Variants in TRPS1 observed in about 807,000 individuals in gnomAD.
TRPS1 encodes transcriptional repressor GATA binding 1.
TRPS1 carries 6 observed loss-of-function variants against 101.2 expected under a neutral mutation model. That is an observed-to-expected ratio of 0.06 (90% CI 0.03 to 0.12). TRPS1 has a LOEUF of 0.12. Among genes scored for constraint, TRPS1 ranks in the 10% least tolerant of loss-of-function variants. The pLI is 1.00. For missense variants in TRPS1, 1,363 were observed against 1,567.0 expected (o/e 0.87, Z 2.20); for synonymous variants, 578 against 589.8 (o/e 0.98, Z 0.29).
intron 2 of TRPS1, 66 bp downstream of exon 2, chr8:115,623,535 G>A (rs774239518): frequency 8.1e-5 from 126 of 1,553,438 alleles, no homozygotes; most frequent in Non-Finnish European, 7.8e-5. Context: ...CAGATTGCAC[G>A]ATGTTTTACT....
At chr8:115,444,109 C>A (rs1450703529) in intron 5 of TRPS1, among the ~76,000 whole-genome samples, 1 of 152,216 alleles carries the variant, frequency 6.6e-6, no homozygotes, top group Non-Finnish European at 1.5e-5. Flanking sequence ...CCATCCTTAC[C>A]CCTTTGATCC....
At chr8:115,576,244 A>G (rs1407163648) in intron 5 of TRPS1, among the ~76,000 whole-genome samples, 1 of 151,920 alleles carries the variant, frequency 6.6e-6, no homozygotes, top group African/African-American at 2.4e-5. Context: ...ATTCTCAGCC[A>G]CTGGTTGGAA....
At chr8:115,531,897 G>A (rs1015451104) in intron 5 of TRPS1, among the ~76,000 whole-genome samples, 3 of 152,042 alleles carry the variant, frequency 2.0e-5, no homozygotes, top group Non-Finnish European at 4.4e-5. Context: ...CTGAAGAAAT[G>A]GAGAAGGTAC....
intron 1 of TRPS1, among the ~76,000 whole-genome samples, chr8:115,632,954 G>C (rs1818680579): frequency 6.6e-6 from 1 of 152,110 alleles, no homozygotes. Flanking sequence ...ACAGACTTAA[G>C]ATCTGTGCAC....
intron 5 of TRPS1, among the ~76,000 whole-genome samples, chr8:115,447,591 A>G (rs1813769442): frequency 6.6e-6 from 1 of 152,160 alleles, no homozygotes; most frequent in African/African-American, 2.4e-5. Context: ...TTCCTATTGA[A>G]TTAAATCAGC....
intron 1 of TRPS1, among the ~76,000 whole-genome samples, chr8:115,645,333 T>G (rs1341649288): frequency 1.3e-5 from 2 of 152,156 alleles, no homozygotes; most frequent in Non-Finnish European, 2.9e-5. Context: ...ATCACACAAC[T>G]TCTATTTATT....
At chr8:115,610,567 G>A (rs1424183756) in intron 3 of TRPS1, among the ~76,000 whole-genome samples, 1 of 152,078 alleles carries the variant, frequency 6.6e-6, no homozygotes, top group Admixed American at 6.6e-5. Flanking sequence ...CCCTTATTTG[G>A]ATTTATAATA....
intron 2 of TRPS1, among the ~76,000 whole-genome samples, chr8:115,622,112 G>T (rs1256081340): frequency 1.3e-5 from 2 of 151,970 alleles, no homozygotes; most frequent in Non-Finnish European, 2.9e-5. Flanking sequence ...GACTTCTGGA[G>T]GAAAGAAGGG....
At chr8:115,435,599 T>C (rs1434177283) in intron 5 of TRPS1, among the ~76,000 whole-genome samples, 2 of 152,152 alleles carry the variant, frequency 1.3e-5, no homozygotes, top group African/African-American at 4.8e-5. Context: ...TGATTCCCTG[T>C]AGTGTCACTT....
intron 5 of TRPS1, among the ~76,000 whole-genome samples, chr8:115,472,985 C>T (rs1814510534): frequency 6.6e-6 from 1 of 152,196 alleles, no homozygotes. Flanking sequence ...CAACAAGTCT[C>T]TAGGAAGTTC....
intron 5 of TRPS1, among the ~76,000 whole-genome samples, chr8:115,548,060 T>C (rs1305592781): frequency 1.4e-5 from 2 of 147,796 alleles, no homozygotes; most frequent in African/African-American, 5.0e-5. Flanking sequence ...TGAAACACCA[T>C]CTCTACATAA....
chr8:115,494,441 G>A (rs952697892), intron 5 of TRPS1, among the ~76,000 whole-genome samples: 2 of 152,186 alleles, frequency 1.3e-5, no homozygotes, highest in Non-Finnish European at 1.5e-5. Flanking sequence ...AAGTCGAGAG[G>A]AGGCAATGTA....
At chr8:115,625,724 T>C (rs1818490574) in intron 1 of TRPS1, among the ~76,000 whole-genome samples, 1 of 151,932 alleles carries the variant, frequency 6.6e-6, no homozygotes, top group South Asian at 2.1e-4. Flanking sequence ...AAATATAATT[T>C]CATAAACAAA....
rs1199926134 is a variant in TRPS1 at position 115,604,165 on chromosome 8, T to C, written c.1804A>G (p.Lys602Glu). Residue 602 changes from lysine to glutamate, a missense_variant, in exon 4 of 7, where the codon AAA (lysine) becomes GAA (glutamate). Transcript: ENST00000395715. This position sits in a 1 kb window ranked among gnomAD's most constrained non-coding sequence, Gnocchi z 4.1. ...AGTGCACAGTGGGAACAATTACTTT[T>C]TCTACAAGCAAACGGATAAGTAATT... ...GEITYPFACR[K>E]SNCSHCALLL... The C allele has an allele frequency of 6.2e-6, 10 of 1,614,108 alleles. No individual in the cohort carries two copies. The highest frequency in any genetic ancestry group is 8.5e-6 in the Non-Finnish European group (10 of 1,180,004).
At chr8:115,528,062 G>T (rs1418971136) in intron 5 of TRPS1, among the ~76,000 whole-genome samples, 1 of 152,050 alleles carries the variant, frequency 6.6e-6, no homozygotes, top group East Asian at 1.9e-4. Context: ...CCTTCTTGCT[G>T]ACATTCTTTC....
At chr8:115,501,583 G>C (rs1373234160) in intron 5 of TRPS1, among the ~76,000 whole-genome samples, 1 of 152,160 alleles carries the variant, frequency 6.6e-6, no homozygotes, top group Non-Finnish European at 1.5e-5. Flanking sequence ...AATATGTGAA[G>C]TTCAAAGTGC....
intron 5 of TRPS1, among the ~76,000 whole-genome samples, chr8:115,529,266 G>C (rs949707370): frequency 1.3e-5 from 2 of 152,036 alleles, no homozygotes; most frequent in African/African-American, 2.4e-5. Flanking sequence ...TGGAGGTCAG[G>C]TGAGCAAATA....
At chr8:115,469,609 C>T (rs1814413541) in intron 5 of TRPS1, among the ~76,000 whole-genome samples, 1 of 152,116 alleles carries the variant, frequency 6.6e-6, no homozygotes, top group African/African-American at 2.4e-5. Flanking sequence ...AGTGATTCTC[C>T]TGCCTCAGCC....
intron 5 of TRPS1, among the ~76,000 whole-genome samples, chr8:115,420,668 C>A (rs1199179249): frequency 6.6e-6 from 1 of 152,136 alleles, no homozygotes; most frequent in Non-Finnish European, 1.5e-5. Flanking sequence ...AAAGAAAATG[C>A]CTTTCATTAG....
Sources: gnomAD v4.1 joint callset for allele counts (sites outside exome capture counted in the v4.1 genomes callset) on GRCh38, gnomAD v4.1.1 for gene constraint, Gnocchi (gnomAD v3.1) non-coding constraint, MANE v1.5 for transcripts, NCBI Gene and HGNC (gene_info 2026-07-23, HGNC 2026-07-21) for gene names.